The following RGS21 variants were observed in gnomAD, a reference collection of about 807,000 sequenced individuals.
RGS21 encodes the protein regulator of G protein signaling 21, also known as regulator of G-protein signalling 21.
A neutral mutation model predicts 18.7 loss-of-function variants in RGS21; 19 were observed. The observed-to-expected ratio is 1.01, with a 90% CI of 0.71 to 1.49. The LOEUF is 1.49. RGS21 is among the 40% of genes most tolerant of loss of function. The pLI is 0.00. For synonymous variants in RGS21, 56 were observed against 57.8 expected (o/e 0.97, Z 0.14); for missense variants, 194 against 176.8 (o/e 1.10, Z -0.55).
chr1:192,321,173 C>G (rs1388881439), intron 1 of RGS21, among the ~76,000 whole-genome samples: 1 of 151,746 alleles, frequency 6.6e-6, no homozygotes, highest in Non-Finnish European at 1.5e-5. Flanking sequence ...CAAAATTACC[C>G]TTTTCTGTTA....
At chr1:192,362,839 G>T (rs1419767954) in intron 4 of RGS21, among the ~76,000 whole-genome samples, 2 of 152,058 alleles carry the variant, frequency 1.3e-5, no homozygotes, top group Admixed American at 6.6e-5. Flanking sequence ...AACAAGTATA[G>T]AACCATTTTT....
rs896770295 is a variant in RGS21 at position 192,366,486 on chromosome 1, T to C, written c.*362T>C. On this transcript the variant is annotated 3_prime_UTR_variant, in exon 5 of 5. Transcript: ENST00000417209. ...TACACAATTTTAAATACCATTGCTT[T>C]ATTCAAAAAAATCTCACTTTTGTAA... 2.0e-5 allele frequency: 3 copies of C among 153,340 alleles called. No homozygotes were observed. Among genetic ancestry groups the C allele is most frequent in the African/African-American group, 7.2e-5 (3 of 41,500 alleles). 9.5% of individuals were successfully genotyped at this position (153,340 alleles called of 1,614,324 possible).
intron 1 of RGS21, among the ~76,000 whole-genome samples, chr1:192,338,756 T>A (rs754181705): frequency 6.6e-6 from 1 of 152,116 alleles, no homozygotes; most frequent in Admixed American, 6.6e-5. Context: ...TCCTTTTCTG[T>A]TCCTAAAATA....
intron 3 of RGS21, among the ~76,000 whole-genome samples, chr1:192,347,939 C>T (rs1658978488): frequency 6.6e-6 from 1 of 151,822 alleles, no homozygotes; most frequent in Non-Finnish European, 1.5e-5. Context: ...GGATTCAATT[C>T]AGGTGTGAGC....
At chr1:192,360,412 C>A (rs1265637156) in intron 4 of RGS21, among the ~76,000 whole-genome samples, 1 of 152,110 alleles carries the variant, frequency 6.6e-6, no homozygotes, top group Non-Finnish European at 1.5e-5. Flanking sequence ...TAGCTCATAA[C>A]TATTCAATCA....
At position 192,364,678 on chromosome 1, in the gene RGS21, A is replaced by G. The variant is rs112466664; in HGVS notation, c.256-1243A>G. 1.4e-3 allele frequency among the ~76,000 whole-genome samples: 210 copies of G among 152,240 alleles called. 3 individuals carry two copies. Among genetic ancestry groups the G allele is most frequent in the African/African-American group, 4.7e-3 (197 of 41,570 alleles). On this transcript the variant is annotated intron_variant, in intron 4 of 4. Transcript: ENST00000417209. ...CATACTCCAAAATTCTAACATTTTT[A>G]CCATCTCCTGCATTTTTCCAAGGGA...
chr1:192,353,511 A>C (rs10921134), intron 4 of RGS21, among the ~76,000 whole-genome samples: 4 of 151,490 alleles, frequency 2.6e-5, no homozygotes, highest in Non-Finnish European at 5.9e-5. Context: ...ATCCTACTTA[A>C]TGTTATATTG....
chr1:192,329,961 A>C (rs966361809), intron 1 of RGS21, among the ~76,000 whole-genome samples: 5 of 152,152 alleles, frequency 3.3e-5, no homozygotes, highest in African/African-American at 1.2e-4. Flanking sequence ...AGAGCTCCCT[A>C]AAGGTTGAGG....
At chr1:192,333,628 CAAAAAAAAAAA>C (rs376989840) in intron 1 of RGS21, among the ~76,000 whole-genome samples, 7,826 of 102,622 alleles carry the variant, frequency 0.076, 355 homozygotes, top group East Asian at 0.23. Context: ...CTCAAAATGA[CAAAAAAAAAAA>C]AAAAAAAAAA....
At chr1:192,339,424 C>T (rs953734804) in intron 1 of RGS21, among the ~76,000 whole-genome samples, 7 of 151,894 alleles carry the variant, frequency 4.6e-5, no homozygotes, top group African/African-American at 1.7e-4. Flanking sequence ...TTGAATATGC[C>T]TATGAAATTA....
chr1:192,329,523 G>T (rs1658615976), intron 1 of RGS21, among the ~76,000 whole-genome samples: 1 of 151,898 alleles, frequency 6.6e-6, no homozygotes, highest in South Asian at 2.1e-4. Flanking sequence ...TGTAAATTGT[G>T]ACTTACATAA....
At chr1:192,351,447 A>G (rs1325815314) in intron 3 of RGS21, among the ~76,000 whole-genome samples, 2 of 152,052 alleles carry the variant, frequency 1.3e-5, no homozygotes, top group Non-Finnish European at 2.9e-5. Context: ...TTATAGCAAC[A>G]AAGATATTCT....
intron 1 of RGS21, among the ~76,000 whole-genome samples, chr1:192,325,291 A>G (rs940765670): frequency 9.2e-5 from 14 of 152,222 alleles, no homozygotes; most frequent in African/African-American, 3.1e-4. Context: ...CATTGCTGCA[A>G]AGGACATGAT....
At chr1:192,348,738 A>G (rs1438767872) in intron 3 of RGS21, among the ~76,000 whole-genome samples, 1 of 151,750 alleles carries the variant, frequency 6.6e-6, no homozygotes, top group African/African-American at 2.4e-5. Flanking sequence ...AGGAAAAATG[A>G]CACTGTGAAA....
intron 2 of RGS21, among the ~76,000 whole-genome samples, chr1:192,346,290 A>G (rs1658943069): frequency 6.6e-6 from 1 of 152,140 alleles, no homozygotes; most frequent in Non-Finnish European, 1.5e-5. Context: ...AATTACAGGA[A>G]GTAATACAAA....
intron 1 of RGS21, among the ~76,000 whole-genome samples, chr1:192,319,541 C>A (rs1028448632): frequency 6.6e-6 from 1 of 151,892 alleles, no homozygotes; most frequent in Non-Finnish European, 1.5e-5. Flanking sequence ...GCAACCTTAC[C>A]TCCATATTTT....
intron 1 of RGS21, among the ~76,000 whole-genome samples, chr1:192,339,532 G>C (rs1658826886): frequency 6.6e-6 from 1 of 150,992 alleles, no homozygotes; most frequent in Non-Finnish European, 1.5e-5. Flanking sequence ...TTTTTTAATG[G>C]ATTGCCATGA....
chr1:192,339,193 G>T, intron 1 of RGS21, among the ~76,000 whole-genome samples: 1 of 150,974 alleles, frequency 6.6e-6, no homozygotes, highest in East Asian at 1.9e-4. Flanking sequence ...ATTCTTACTT[G>T]GATGTCATAC....
At chr1:192,328,161 T>A (rs941869220) in intron 1 of RGS21, among the ~76,000 whole-genome samples, 1 of 152,180 alleles carries the variant, frequency 6.6e-6, no homozygotes, top group Non-Finnish European at 1.5e-5. Flanking sequence ...ACGTGATTGA[T>A]CCTTTAACTG....
Sources: gnomAD v4.1 joint callset for allele counts (sites outside exome capture counted in the v4.1 genomes callset) on GRCh38, gnomAD v4.1.1 for gene constraint, MANE v1.5 for transcripts, NCBI Gene and HGNC (gene_info 2026-07-23, HGNC 2026-07-21) for gene names.